The following SYNE1 variants were observed in gnomAD, a reference collection of about 807,000 sequenced individuals.
The protein encoded by SYNE1 is nesprin-1.
SYNE1 carries 616 observed loss-of-function variants against 1,111.0 expected under a neutral mutation model. That is an observed-to-expected ratio of 0.55 (90% confidence interval 0.52 to 0.59). SYNE1 has a LOEUF of 0.59. SYNE1 is among the 20% of genes least tolerant of loss of function. The probability of loss-of-function intolerance (pLI) is 0.00; values close to 1 mark genes in which losing one functional copy is unlikely to be tolerated. For synonymous variants in SYNE1, 3,855 were observed against 3,825.8 expected, an observed-to-expected ratio of 1.01 and a Z score of -0.28; for missense variants, 10,006 against 10,417.0, an observed-to-expected ratio of 0.96 and a Z score of 1.72.
chr6:152,449,668 T>C (rs751431748), intron 27 of SYNE1, 27 bp from the exon 28 acceptor site: 2 of 1,511,632 alleles, frequency 1.3e-6, no homozygotes, highest in Non-Finnish European at 1.8e-6. Flanking sequence ...ACTTTCTTAT[T>C]AAAGGGAGAA....
rs1259322695 is a variant in SYNE1 at position 152,353,267 on chromosome 6, A to C, written c.11249T>G (p.Leu3750Trp). Residue 3750 changes from leucine (L) to tryptophan (W), a missense_variant, in exon 69 of 146, where the codon TTG (leucine) becomes TGG (tryptophan). Around this residue, in one of 7 missense-constraint regions of SYNE1, gnomAD observed 4,955 missense variants for 5,017.2 expected, o/e 0.99. Transcript: ENST00000367255. ...TVMMGKKLKT[L>W]EVLLKDMEKG... ...ATCTGAAGTATGCGTGCCTACCTCC[A>C]ACGTCTTCAATTTCTTCCCCATCAT... The C allele has an allele frequency of 4.3e-6, 7 of 1,614,044 alleles. No individual in the cohort carries two copies. The highest frequency in any genetic ancestry group is 5.9e-6 in the Non-Finnish European group (7 of 1,180,050).
rs199869602 is a variant in SYNE1 at position 152,255,633 on chromosome 6, T to G, written c.19218A>C (p.Ala6406=). 6.2e-7 allele frequency: 1 copy of G among 1,614,204 alleles called. No individual in the cohort carries two copies. The highest frequency in any genetic ancestry group is 1.7e-5 in the Admixed American group (1 of 60,028). ...AAGTCTCTGTTTCTTCTGGTAAAAGTGCTGTGGCAACAAATAAACGTTCTT... is the reference window on the plus strand; with the variant it reads ...AAGTCTCTGTTTCTTCTGGTAAAAGGGCTGTGGCAACAAATAAACGTTCTT... The part of the protein sequence containing the change: ...DVEERLFVAT[A]LLPEETETCL... Residue 6406 remains alanine (A), a synonymous_variant, in exon 103 of 146, where the codon GCA becomes GCC. Transcript: ENST00000367255.
chr6:152,310,764 G>A lies in SYNE1; in HGVS notation c.16820C>T (p.Ala5607Val). ...CTCCTCAGTCTCCCGTCCCAGTTCT[G>A]CCACTTGCTGAGACATTTTTTCTGT... ...YCTEKMSQQV[A>V]ELGRETEELR... is the part of the protein sequence containing the mutation. Residue 5607 changes from alanine to valine, a missense_variant, in exon 88 of 146, where the codon GCA becomes GTA. Transcript: ENST00000367255. 1.9e-6 allele frequency: 3 copies of A among 1,613,432 alleles called. No individual in the cohort carries two copies. Among genetic ancestry groups the A allele is most frequent in the Non-Finnish European group, 8.5e-7 (1 of 1,179,932 alleles).
At chr6:152,536,427 A>T (rs2099241605) in intron 4 of SYNE1, among the ~76,000 whole-genome samples, 1 of 136,608 alleles carries the variant, frequency 7.3e-6, no homozygotes, top group South Asian at 2.1e-4. Context: ...ATATATTTAT[A>T]TATATAACTA....
chr6:152,164,091 C>T (rs977812014), intron 131 of SYNE1, 72 bp downstream of exon 131: 3 of 1,597,124 alleles, frequency 1.9e-6, no homozygotes, highest in African/African-American at 2.7e-5. Flanking sequence ...CATCTCATGC[C>T]CACCCCATCA....
At chr6:152,526,373 C>T (rs1023066513) in intron 4 of SYNE1, among the ~76,000 whole-genome samples, 198 bp from the exon 5 acceptor site, 1 of 152,234 alleles carries the variant, frequency 6.6e-6, no homozygotes, top group East Asian at 1.9e-4. Context: ...GGAGATAAAA[C>T]TCGATATTCA....
intron 10 of SYNE1, among the ~76,000 whole-genome samples, chr6:152,500,713 GC>G (rs2099024876): frequency 6.6e-6 from 1 of 152,070 alleles, no homozygotes; most frequent in African/African-American, 2.4e-5. Flanking sequence ...ACTTTGGGAG[GC>G]CGAGGTGAGA....
intron 28 of SYNE1, among the ~76,000 whole-genome samples, chr6:152,448,037 T>G (rs1046361222): frequency 6.6e-6 from 1 of 152,212 alleles, no homozygotes; most frequent in Non-Finnish European, 1.5e-5. Flanking sequence ...TTCAACCAGC[T>G]GATTTCTTTT....
At chr6:152,226,886 C>T (rs373989630) in intron 115 of SYNE1, among the ~76,000 whole-genome samples, 172 of 152,280 alleles carry the variant, frequency 1.1e-3, no homozygotes, top group African/African-American at 3.4e-3. Flanking sequence ...GGCATTAAGG[C>T]ATGGTTACAG....
chr6:152,257,957 T>G (rs1459156308), intron 101 of SYNE1, among the ~76,000 whole-genome samples: 1 of 152,080 alleles, frequency 6.6e-6, no homozygotes, highest in Non-Finnish European at 1.5e-5. Flanking sequence ...ACACTCAACA[T>G]CAAACATAGC....
At chr6:152,555,171 T>A (rs547653311) in intron 3 of SYNE1, among the ~76,000 whole-genome samples, 1 of 152,334 alleles carries the variant, frequency 6.6e-6, no homozygotes, top group South Asian at 2.1e-4. Context: ...ACAATTATTA[T>A]ATCTTTGTCA....
chr6:152,612,051 T>A (rs992591417), intron 3 of SYNE1, among the ~76,000 whole-genome samples: 21 of 148,576 alleles, frequency 1.4e-4, no homozygotes, highest in Non-Finnish European at 3.0e-5. Context: ...GCAGGAAAGA[T>A]CTAAAATGGA....
intron 121 of SYNE1, among the ~76,000 whole-genome samples, chr6:152,216,841 G>A (rs1314456120): frequency 1.3e-5 from 2 of 152,096 alleles, no homozygotes; most frequent in African/African-American, 4.8e-5. Context: ...GGATCACAAG[G>A]TCAGGAGTTC....
At chr6:152,618,563 AC>A in intron 3 of SYNE1, among the ~76,000 whole-genome samples, 1 of 152,190 alleles carries the variant, frequency 6.6e-6, no homozygotes, top group East Asian at 1.9e-4. Context: ...TAGGTAAATA[AC>A]TTTTTTAATG....
chr6:152,224,209 G>C (rs762250904), intron 117 of SYNE1, among the ~76,000 whole-genome samples: 10 of 152,162 alleles, frequency 6.6e-5, no homozygotes, highest in Non-Finnish European at 1.2e-4. Context: ...AATCAAGGAG[G>C]TTCAGTTGGG....
chr6:152,534,906 G>C (rs984852328), intron 4 of SYNE1, among the ~76,000 whole-genome samples: 1 of 152,198 alleles, frequency 6.6e-6, no homozygotes, highest in Non-Finnish European at 1.5e-5. Flanking sequence ...AATCCAAAAT[G>C]TTCCTTTTAA....
intron 44 of SYNE1, among the ~76,000 whole-genome samples, chr6:152,408,330 G>A (rs1320326513): frequency 2.0e-5 from 3 of 152,132 alleles, no homozygotes; most frequent in African/African-American, 7.2e-5. Context: ...GCTAGTAAGT[G>A]ACAGAACAAG....
At chr6:152,132,792 C>T (rs1179937012) in intron 143 of SYNE1, among the ~76,000 whole-genome samples, 4 of 151,638 alleles carry the variant, frequency 2.6e-5, no homozygotes, top group African/African-American at 7.3e-5. Context: ...AAATGCATTT[C>T]TCAAAACCAA....
At chr6:152,558,998 T>TTATG (rs1379115578) in intron 3 of SYNE1, among the ~76,000 whole-genome samples, 2 of 150,442 alleles carry the variant, frequency 1.3e-5, no homozygotes, top group East Asian at 3.9e-4. Flanking sequence ...ATTTATTTAT[T>TTATG]TATTTATTTA....
Sources: gnomAD v4.1 joint callset for allele counts (sites outside exome capture counted in the v4.1 genomes callset) on GRCh38, gnomAD v4.1.1 for gene constraint, gnomAD v4.1.1 regional missense constraint, MANE v1.5 for transcripts, NCBI Gene and HGNC (gene_info 2026-07-23, HGNC 2026-07-21) for gene names.